The following TCF7L1 variants were observed in gnomAD, a reference collection of about 807,000 sequenced individuals.
TCF7L1 encodes the protein transcription factor 7 like 1.
In TCF7L1, 18 loss-of-function variants were observed where a neutral mutation model predicts 63.7. The ratio of observed to expected loss-of-function variants is 0.28; its 90% CI spans 0.20 to 0.42. The LOEUF (loss-of-function observed/expected upper bound fraction) is 0.42. TCF7L1 is among the 10% of genes least tolerant of loss of function. The probability of loss-of-function intolerance (pLI) is 1.00; values close to 1 mark genes in which losing one functional copy is unlikely to be tolerated. For missense variants in TCF7L1, 654 were observed against 779.3 expected, an observed-to-expected ratio of 0.84 and a Z score of 1.91; for synonymous variants, 355 against 340.9, an observed-to-expected ratio of 1.04 and a Z score of -0.46.
rs537023589 is a variant in TCF7L1, at chr2:85,304,401, G to A, written c.845+63G>A. 47 of 1,550,396 alleles carry A rather than the reference G, an allele frequency of 3.0e-5. No individual in the cohort carries two copies. In the East Asian group the frequency reaches 3.9e-4, roughly 13 times the overall value. On this transcript the variant is annotated intron_variant, in intron 7 of 11. Transcript: ENST00000282111. ...TAGCAACCACGCCATTTCTGACCAC[G>A]AAACAGCTTTTTCTTGCCAGTTAAT...
chr2:85,221,308 G>A (rs1679835796), intron 3 of TCF7L1, among the ~76,000 whole-genome samples: 2 of 152,176 alleles, frequency 1.3e-5, no homozygotes, highest in East Asian at 1.9e-4. Context: ...TTTGCCACTG[G>A]GCCACTAGTT....
chr2:85,269,763 C>T (rs1280366194), intron 3 of TCF7L1, among the ~76,000 whole-genome samples: 5 of 152,198 alleles, frequency 3.3e-5, no homozygotes, highest in African/African-American at 7.2e-5. Context: ...TAACTTCCTG[C>T]ACCCTCCCTT....
At position 85,186,165 on chromosome 2, in the gene TCF7L1, C is replaced by A. The variant is rs542121876; in HGVS notation, c.441+51715C>A. On this transcript the variant is annotated intron_variant, in intron 3 of 11. Coordinates refer to ENST00000282111, the MANE Select transcript of TCF7L1 (RefSeq NM_031283.3). ...GTATTTTTTAGTAGAGACGGGGTTTCATCGTGTTAGCCAGGATGGTCTCAA... is the reference window on the plus strand; with the variant it reads ...GTATTTTTTAGTAGAGACGGGGTTTAATCGTGTTAGCCAGGATGGTCTCAA... Among the ~76,000 whole-genome samples the A allele has an allele frequency of 2.9e-3, 435 of 152,166 alleles. 1 individual carries two copies. The highest frequency in any genetic ancestry group is 4.7e-3 in the Non-Finnish European group (318 of 68,004).
intron 3 of TCF7L1, among the ~76,000 whole-genome samples, chr2:85,192,526 T>C (rs1312651686): frequency 3.9e-5 from 6 of 151,994 alleles, no homozygotes. Flanking sequence ...TAGTTGAGAT[T>C]ACAGGCATGT....
chr2:85,153,313 G>A (rs1429349534), intron 3 of TCF7L1, among the ~76,000 whole-genome samples: 1 of 148,066 alleles, frequency 6.8e-6, no homozygotes, highest in East Asian at 2.0e-4. Context: ...GTGGTCCTGG[G>A]TTTCATGATC....
chr2:85,151,844 C>T (rs1231603479), intron 3 of TCF7L1, among the ~76,000 whole-genome samples: 3 of 152,172 alleles, frequency 2.0e-5, no homozygotes, highest in Non-Finnish European at 2.9e-5. Flanking sequence ...GATTTTCTGT[C>T]AGGCCCTTTG....
intron 3 of TCF7L1, among the ~76,000 whole-genome samples, chr2:85,142,432 ATGTGTGTGTGTGTGT>A (rs1256314662): frequency 0.034 from 4,693 of 138,052 alleles, 296 homozygotes; most frequent in African/African-American, 0.12. Context: ...AAAAAAAAAA[ATGTGTGTGTGTGTGT>A]GTGTGTGTGT....
intron 3 of TCF7L1, among the ~76,000 whole-genome samples, chr2:85,264,339 A>G (rs937372246): frequency 7.2e-5 from 11 of 152,208 alleles, no homozygotes; most frequent in African/African-American, 2.7e-4. Context: ...TGGCCAGTGG[A>G]CTTACAAAAA....
intron 4 of TCF7L1, 24 bp from the exon 5 acceptor site, chr2:85,302,460 C>T: frequency 6.2e-7 from 1 of 1,614,030 alleles, no homozygotes; most frequent in Non-Finnish European, 8.5e-7. Flanking sequence ...GGCAACCATT[C>T]CTGGTCTTTT....
intron 3 of TCF7L1, chr2:85,186,924 T>A (rs546304327): frequency 6.6e-6 from 1 of 152,396 alleles, no homozygotes; most frequent in Admixed American, 6.5e-5. Context: ...CTTTGACATG[T>A]ATATACACTC....
chr2:85,200,860 G>A (rs1224410427), intron 3 of TCF7L1, among the ~76,000 whole-genome samples: 2 of 152,124 alleles, frequency 1.3e-5, no homozygotes, highest in East Asian at 1.9e-4. Flanking sequence ...TGAGTTACCT[G>A]CGACACTTGA....
chr2:85,305,112 A>C (rs1342568440), intron 7 of TCF7L1, 148 bp from the exon 8 acceptor site: 2 of 1,084,540 alleles, frequency 1.8e-6, no homozygotes, highest in African/African-American at 1.6e-5. Context: ...CTGGTTTTCT[A>C]GAAGACGACA....
At chr2:85,244,602 G>T (rs998374303) in intron 3 of TCF7L1, among the ~76,000 whole-genome samples, 1 of 152,192 alleles carries the variant, frequency 6.6e-6, no homozygotes, top group African/African-American at 2.4e-5. Flanking sequence ...GGGCAGGTTT[G>T]GGAGGAAATA....
chr2:85,296,041 A>G (rs56329464), intron 4 of TCF7L1, among the ~76,000 whole-genome samples: 10,536 of 152,076 alleles, frequency 0.069, 468 homozygotes, highest in African/African-American at 0.12. Context: ...GCCTCCCAAA[A>G]TGCTGGGACC....
At chr2:85,218,245 T>C (rs1679755748) in intron 3 of TCF7L1, among the ~76,000 whole-genome samples, 1 of 150,852 alleles carries the variant, frequency 6.6e-6, no homozygotes, top group South Asian at 2.1e-4. Flanking sequence ...ATTTTATTTA[T>C]TTATTTATTT....
intron 3 of TCF7L1, among the ~76,000 whole-genome samples, chr2:85,234,979 C>T (rs1215740532): frequency 6.6e-6 from 1 of 152,188 alleles, no homozygotes; most frequent in Non-Finnish European, 1.5e-5. Flanking sequence ...ACCATTTAAT[C>T]AGCTCCATTA....
intron 3 of TCF7L1, among the ~76,000 whole-genome samples, chr2:85,261,986 A>T (rs1271757527): frequency 6.6e-6 from 1 of 152,270 alleles, no homozygotes; most frequent in Non-Finnish European, 1.5e-5. Context: ...GACAAAGGAC[A>T]GCTAAAAACA....
At position 85,306,758 on chromosome 2, in the gene TCF7L1, C is replaced by T. The variant is rs1339396684; in HGVS notation, c.1257+199C>T. The stretch of plus-strand genomic sequence containing the variant: ...CGGCTCACTGCAAGCTCCGCCTCCC[C>T]GGTTCACACCATTCTCCTGTCTCAG... On this transcript the variant is annotated intron_variant, in intron 10 of 11. Transcript: ENST00000282111. This position sits in a 1 kb window ranked among gnomAD's most constrained non-coding sequence, Gnocchi z 4.3. 1.3e-5 allele frequency among the ~76,000 whole-genome samples: 2 copies of T among 152,162 alleles called. No individual in the cohort carries two copies. The highest frequency in any genetic ancestry group is 4.8e-5 in the African/African-American group (2 of 41,442).
rs1426204467 is a variant in TCF7L1, at chr2:85,306,311, G to A, written c.1095G>A (p.Val365=). Residue 365 remains valine, a synonymous_variant, in exon 9 of 12, where the codon GTG becomes GTA. Transcript: ENST00000282111. This position sits in a 1 kb window ranked among gnomAD's most constrained non-coding sequence, Gnocchi z 4.3. ...LYMKEMRAKV[V]AECTLKESAA... is the part of the protein sequence containing the mutation. ...TGAAGGAGATGAGGGCCAAGGTGGT[G>A]GCTGAGTGCACCCTGAAGGAAAGTG... is the stretch of plus-strand genomic sequence containing the variant. 1 of 1,614,198 alleles carries A rather than the reference G, an allele frequency of 6.2e-7. No individual in the cohort carries two copies. The highest frequency in any genetic ancestry group is 2.2e-5 in the East Asian group (1 of 44,880).
Sources: gnomAD v4.1 joint callset for allele counts (sites outside exome capture counted in the v4.1 genomes callset) on GRCh38, gnomAD v4.1.1 for gene constraint, Gnocchi (gnomAD v3.1) non-coding constraint, MANE v1.5 for transcripts, NCBI Gene and HGNC (gene_info 2026-07-23, HGNC 2026-07-21) for gene names.